Variants in RTN1 observed in about 807,000 individuals in gnomAD.
RTN1 encodes the protein reticulon 1.
In RTN1, 25 loss-of-function variants were observed where a neutral mutation model predicts 65.5. The ratio of observed to expected loss-of-function variants is 0.38; its 90% CI spans 0.28 to 0.53. The LOEUF (loss-of-function observed/expected upper bound fraction) is 0.53. RTN1 is among the 20% of genes least tolerant of loss of function. The pLI, the probability that RTN1 is intolerant of heterozygous loss-of-function variation, is 0.79. For missense variants in RTN1, 983 were observed against 1,025.4 expected (o/e 0.96, Z 0.57); for synonymous variants, 471 against 447.6 (o/e 1.05, Z -0.66).
chr14:59,744,214 T>C (rs1304742912), intron 2 of RTN1, among the ~76,000 whole-genome samples: 1 of 152,188 alleles, frequency 6.6e-6, no homozygotes, highest in Non-Finnish European at 1.5e-5. Flanking sequence ...AGGCTTTGCT[T>C]CCATTTTCAG....
chr14:59,811,535 T>C (rs1886729569), intron 1 of RTN1, among the ~76,000 whole-genome samples: 1 of 152,182 alleles, frequency 6.6e-6, no homozygotes, highest in Admixed American at 6.5e-5. Flanking sequence ...TCATCACAAC[T>C]AGCAAGGCAT....
At chr14:59,714,813 G>A (rs950247150) in intron 3 of RTN1, among the ~76,000 whole-genome samples, 2 of 152,250 alleles carry the variant, frequency 1.3e-5, no homozygotes, top group Non-Finnish European at 2.9e-5. Context: ...GACTGGTACT[G>A]GTCCGTGGTC....
At position 59,761,478 on chromosome 14, in the gene RTN1, C is replaced by T. The variant is rs1885747466; in HGVS notation, c.242-14997G>A. On this transcript the variant is annotated intron_variant, in intron 1 of 8. Coordinates refer to ENST00000267484, the MANE Select transcript of RTN1 (RefSeq NM_021136.3). Reference sequence around the variant, plus strand: ...TTTGCCTTCTGCTATGATTGTGAGGCCTCTCCAGCCACGTGGAACTGTGAA... The same window carrying T: ...TTTGCCTTCTGCTATGATTGTGAGGTCTCTCCAGCCACGTGGAACTGTGAA... Among the ~76,000 whole-genome samples, 2 of 152,174 alleles carry T rather than the reference C, an allele frequency of 1.3e-5. 1 individual carries two copies. The highest frequency in any genetic ancestry group is 4.1e-4 in the South Asian group (2 of 4,820).
Position 59,749,154 on chromosome 14 carries a change from C to CTATCTATA in RTN1, c.242-2674_242-2673insTATAGATA, listed in dbSNP as rs1566710927. On this transcript the variant is annotated intron_variant, in intron 1 of 8. Transcript: ENST00000267484. ...TATCTATATCTATCTATCTATCTATCTATATCTATCTATATATCTATCTAT... is the reference window on the plus strand; with the variant it reads ...TATCTATATCTATCTATCTATCTATCTATCTATATATATCTATCTATATATCTATCTAT... Among the ~76,000 whole-genome samples the CTATCTATA allele has an allele frequency of 1.7e-4, 10 of 59,232 alleles. 1 individual carries two copies. The highest frequency in any genetic ancestry group is 8.9e-4 in the African/African-American group (8 of 9,010). 38.9% of individuals were successfully genotyped at this position (59,232 alleles called of 152,430 possible). A position where few individuals can be genotyped will look rare whatever the true frequency, so the allele number is the denominator to read the frequency against.
At chr14:59,619,267 G>T (rs1192303442) in intron 3 of RTN1, among the ~76,000 whole-genome samples, 2 of 152,168 alleles carry the variant, frequency 1.3e-5, no homozygotes, top group African/African-American at 4.8e-5. Context: ...AGGGTGAACT[G>T]GTTTGGGGAA....
In RTN1 at chr14:59,745,722, G is replaced by A. The variant is rs1395351997; in HGVS notation, c.1001C>T (p.Pro334Leu). 6.2e-7 allele frequency: 1 copy of A among 1,606,402 alleles called. No individual in the cohort carries two copies. Residue 334 changes from proline to leucine, a missense_variant, in exon 2 of 9, where the codon CCA becomes CTA. Transcript: ENST00000267484. ...EDDSPGSITP[P>L]SSGTEPSAAE... The stretch of plus-strand genomic sequence containing the variant: ...AGGGCCTTTACCTGTTCCAGAAGAT[G>A]GAGGGGTGATAGATCCTGGGCTGTC...
At chr14:59,819,712 C>CT (rs1886903999) in intron 1 of RTN1, among the ~76,000 whole-genome samples, 1 of 152,120 alleles carries the variant, frequency 6.6e-6, no homozygotes, top group Non-Finnish European at 1.5e-5. Context: ...CGAACCCTGC[C>CT]TTGTGGGGAG....
At chr14:59,660,743 G>A (rs1883226179) in intron 3 of RTN1, among the ~76,000 whole-genome samples, 2 of 152,118 alleles carry the variant, frequency 1.3e-5, no homozygotes, top group Non-Finnish European at 1.5e-5. Flanking sequence ...GCAATGTTTA[G>A]AGGGAAATTT....
intron 3 of RTN1, chr14:59,610,148 G>C: frequency 1.3e-6 from 1 of 774,774 alleles, no homozygotes; most frequent in Non-Finnish European, 2.4e-6. Context: ...GCCCTCTAGG[G>C]AAGCCTCCTA....
intron 1 of RTN1, among the ~76,000 whole-genome samples, chr14:59,775,223 CATATT>C (rs1236522803): frequency 2.0e-5 from 3 of 152,154 alleles, no homozygotes; most frequent in Non-Finnish European, 4.4e-5. Flanking sequence ...TTGAAAATCT[CATATT>C]AGAGATGGTA....
At chr14:59,843,968 T>C (rs1887360051) in intron 1 of RTN1, among the ~76,000 whole-genome samples, 1 of 152,114 alleles carries the variant, frequency 6.6e-6, no homozygotes, top group Admixed American at 6.5e-5. Flanking sequence ...CCCAAAATGA[T>C]TTGTATTTGT....
At chr14:59,617,798 A>T (rs145947357) in intron 3 of RTN1, among the ~76,000 whole-genome samples, 120 of 152,258 alleles carry the variant, frequency 7.9e-4, no homozygotes, top group Non-Finnish European at 1.1e-3. Context: ...TGCCATGCAA[A>T]CCTTGAAAGC....
intron 1 of RTN1, among the ~76,000 whole-genome samples, chr14:59,854,863 T>C (rs576350635): frequency 6.6e-6 from 1 of 152,130 alleles, no homozygotes; most frequent in South Asian, 2.1e-4. Context: ...ACCTACTTTA[T>C]TGAGATTAAG....
At chr14:59,756,838 T>A (rs1885648126) in intron 1 of RTN1, among the ~76,000 whole-genome samples, 2 of 108,558 alleles carry the variant, frequency 1.8e-5, no homozygotes, top group African/African-American at 9.7e-5. Context: ...AATTCTTTTT[T>A]TTGTTTTTTT....
intron 3 of RTN1, among the ~76,000 whole-genome samples, chr14:59,707,431 T>A (rs1884318614): frequency 6.6e-6 from 1 of 152,248 alleles, no homozygotes; most frequent in Non-Finnish European, 1.5e-5. Context: ...TGATACTATA[T>A]GATGTGTGTT....
chr14:59,775,933 G>C (rs1886041902), intron 1 of RTN1, among the ~76,000 whole-genome samples: 1 of 152,002 alleles, frequency 6.6e-6, no homozygotes, highest in Non-Finnish European at 1.5e-5. Context: ...TTTAAATTAA[G>C]GGCAGCAGAG....
rs1566737375 is a variant in RTN1 at position 59,819,405 on chromosome 14, AC to A, written c.241+50984del. ...ACAGAGAGCTGATTGGTGCATCCAC[AC>A]CACCACCACCCCCCCCCCACCCCCC... On this transcript the variant is annotated intron_variant, in intron 1 of 8. Coordinates refer to ENST00000267484, the MANE Select transcript of RTN1 (RefSeq NM_021136.3). Among the ~76,000 whole-genome samples, 12 of 20,200 alleles carry A rather than the reference AC, an allele frequency of 5.9e-4. No individual in the cohort carries two copies. In the East Asian group the frequency reaches 6.8e-3, roughly 11 times the overall value. The allele number at this position is 20,200 out of a possible 152,430, so 13.3% of individuals were successfully genotyped here. A position where few individuals can be genotyped will look rare whatever the true frequency, so the allele number is the denominator to read the frequency against.
rs142644356 is a variant in RTN1 at position 59,868,074 on chromosome 14, C to T, written c.241+2316G>A. Among the ~76,000 whole-genome samples, 153 of 152,330 alleles carry T rather than the reference C, an allele frequency of 1.0e-3. No individual in the cohort carries two copies. Among genetic ancestry groups the T allele is most frequent in the African/African-American group, 3.4e-3 (140 of 41,572 alleles). On this transcript the variant is annotated intron_variant, in intron 1 of 8. Coordinates refer to ENST00000267484, the MANE Select transcript of RTN1 (RefSeq NM_021136.3). This position sits in a 1 kb window ranked among gnomAD's most constrained non-coding sequence, Gnocchi z 4.0. The stretch of plus-strand genomic sequence containing the variant: ...ATACAATTGAGGGCTCACCTGCTAA[C>T]TTTGCTTATAGCAATAGAACTGCCA...
chr14:59,831,949 C>T (rs2139642147), intron 1 of RTN1, among the ~76,000 whole-genome samples: 1 of 152,174 alleles, frequency 6.6e-6, no homozygotes, highest in South Asian at 2.1e-4. Context: ...GTAAAACTGA[C>T]TTAGACTGGA....
Sources: allele counts gnomAD v4.1 joint callset (sites outside exome capture counted in the v4.1 genomes callset), GRCh38; gene constraint gnomAD v4.1.1; non-coding constraint Gnocchi (gnomAD v3.1); transcripts MANE v1.5; gene names NCBI Gene and HGNC (gene_info 2026-07-23, HGNC 2026-07-21).